Variants in CEP120 observed in about 807,000 individuals in gnomAD.
The protein encoded by CEP120 is centrosomal protein 120.
Under a neutral mutation model 126.5 loss-of-function variants are expected in CEP120, and 113 were observed. That is an observed-to-expected ratio of 0.89 (90% CI 0.77 to 1.04). The LOEUF is 1.04. Among genes scored for constraint, CEP120 ranks in the 50% least tolerant of loss-of-function variants. The probability of loss-of-function intolerance (pLI) is 0.00; values close to 1 mark genes in which losing one functional copy is unlikely to be tolerated. For synonymous variants in CEP120, 400 were observed against 394.3 expected, an observed-to-expected ratio of 1.01 and a Z score of -0.17; for missense variants, 1,230 against 1,155.7, an observed-to-expected ratio of 1.06 and a Z score of -0.93.
rs929970992 is a variant in CEP120 at position 123,400,000 on chromosome 5, G to A, written c.464-716C>T. ...AATAATTGATAATATCCAATGTTGA[G>A]GAGAACGCAGGAAAGTGAATGCTCT... is the stretch of plus-strand genomic sequence containing the variant. On this transcript the variant is annotated intron_variant, in intron 4 of 19. Transcript: ENST00000306467. 5.3e-5 allele frequency among the ~76,000 whole-genome samples: 8 copies of A among 152,154 alleles called. No homozygotes were observed. In the East Asian group the frequency reaches 1.2e-3, roughly 22 times the overall value.
chr5:123,413,118 A>T (rs1774169111), intron 3 of CEP120, among the ~76,000 whole-genome samples: 2 of 151,728 alleles, frequency 1.3e-5, no homozygotes. Context: ...TAAAAATACG[A>T]AAAATTAGCT....
At chr5:123,411,285 A>C (rs1275740337) in intron 4 of CEP120, among the ~76,000 whole-genome samples, 1 of 152,186 alleles carries the variant, frequency 6.6e-6, no homozygotes, top group Admixed American at 6.5e-5. Flanking sequence ...TTCTTACAGA[A>C]CTAAACATAC....
intron 17 of CEP120, among the ~76,000 whole-genome samples, chr5:123,372,073 C>T (rs1770894526): frequency 6.6e-6 from 1 of 152,040 alleles, no homozygotes; most frequent in African/African-American, 2.4e-5. Flanking sequence ...AACATGGCTT[C>T]CAACCACAGA....
chr5:123,364,530 C>T lies in CEP120; in HGVS notation c.2546G>A (p.Gly849Glu), dbSNP rs1253395570. The T allele has an allele frequency of 3.7e-6, 6 of 1,607,120 alleles. No individual in the cohort carries two copies. The South Asian group carries it at 6.6e-5, about 18-fold the overall frequency. Residue 849 changes from glycine to glutamate, a missense_variant, in exon 18 of 20, where the codon GGA becomes GAA. Gly to Glu is a moderately conservative substitution (Grantham distance 98). Coordinates refer to ENST00000306467, the MANE Select transcript of CEP120 (RefSeq NM_001375405.1). Reference protein sequence around the residue: ...KSKLHYKQQWGRALKELARLK... With the variant: ...KSKLHYKQQWERALKELARLK... ...TCTGGCAAGTTCTTTCAAAGCTCGT[C>T]CCCACTGCTGCTTGTAATGCAGTTT...
intron 2 of CEP120, among the ~76,000 whole-genome samples, chr5:123,418,158 T>G (rs1215191650): frequency 2.0e-5 from 3 of 152,202 alleles, no homozygotes; most frequent in African/African-American, 7.2e-5. Flanking sequence ...AAAACTACCT[T>G]TGACTATGCG....
chr5:123,411,843 C>A (rs1358695038), intron 4 of CEP120, among the ~76,000 whole-genome samples: 2 of 152,028 alleles, frequency 1.3e-5, no homozygotes, highest in African/African-American at 4.8e-5. Flanking sequence ...AACTATAGAC[C>A]TTGGGTGACA....
At chr5:123,348,076 C>T (rs530136541) in intron 19 of CEP120, among the ~76,000 whole-genome samples, 3 of 152,288 alleles carry the variant, frequency 2.0e-5, no homozygotes, top group South Asian at 2.1e-4. Flanking sequence ...ACTGACTCTT[C>T]GGTAGCCAAA....
intron 18 of CEP120, among the ~76,000 whole-genome samples, chr5:123,362,638 C>G (rs777499635): frequency 5.9e-5 from 9 of 151,832 alleles, no homozygotes; most frequent in Admixed American, 2.0e-4. Flanking sequence ...AGTAAGCCTT[C>G]CAGACATGCT....
chr5:123,393,244 TA>T, intron 6 of CEP120, 55 bp downstream of exon 6: 1 of 1,514,794 alleles, frequency 6.6e-7, no homozygotes, highest in Non-Finnish European at 9.2e-7. Context: ...GTTTAGGTAC[TA>T]AATTAATGCT....
At chr5:123,352,018 C>A (rs1409603862) in intron 18 of CEP120, among the ~76,000 whole-genome samples, 1 of 151,976 alleles carries the variant, frequency 6.6e-6, no homozygotes, top group Non-Finnish European at 1.5e-5. Context: ...ATAGTAGTAT[C>A]TCATTGTGAT....
At chr5:123,363,034 G>C (rs1233020048) in intron 18 of CEP120, among the ~76,000 whole-genome samples, 1 of 151,502 alleles carries the variant, frequency 6.6e-6, no homozygotes, top group Non-Finnish European at 1.5e-5. Flanking sequence ...TACTACTTAA[G>C]TTCCAGCCCT....
chr5:123,396,093 G>A (rs1354410802), intron 5 of CEP120, among the ~76,000 whole-genome samples: 1 of 151,138 alleles, frequency 6.6e-6, no homozygotes, highest in East Asian at 1.9e-4. Flanking sequence ...TCAGGCTCCT[G>A]AGTAGCTAAG....
At chr5:123,405,537 C>T (rs1370017549) in intron 4 of CEP120, among the ~76,000 whole-genome samples, 1 of 152,186 alleles carries the variant, frequency 6.6e-6, no homozygotes, top group Non-Finnish European at 1.5e-5. Flanking sequence ...ATACCCAACT[C>T]CAGCTGCCTC....
chr5:123,399,012 A>G (rs1265409182), intron 5 of CEP120, 124 bp downstream of exon 5: 7 of 611,892 alleles, frequency 1.1e-5, no homozygotes, highest in Non-Finnish European at 1.8e-5. Context: ...ACATGTTTTG[A>G]ACTCATTTTT....
chr5:123,412,631 T>A, intron 3 of CEP120, 91 bp from the exon 4 acceptor site: 1 of 910,794 alleles, frequency 1.1e-6, no homozygotes, highest in Non-Finnish European at 1.5e-6. Context: ...AAATTTATTG[T>A]AGCTTTTCAG....
At chr5:123,413,436 A>C (rs1774195873) in intron 3 of CEP120, among the ~76,000 whole-genome samples, 1 of 152,150 alleles carries the variant, frequency 6.6e-6, no homozygotes, top group Non-Finnish European at 1.5e-5. Flanking sequence ...GCCTTCTTAC[A>C]GAATGAAGCA....
At position 123,418,441 on chromosome 5, in the gene CEP120, C is replaced by G. The variant is rs1334156376; in HGVS notation, c.124G>C (p.Asp42His). The G allele has an allele frequency of 1.9e-6, 3 of 1,612,844 alleles. No homozygotes were observed. The highest frequency in any genetic ancestry group is 2.2e-5 in the East Asian group (1 of 44,882). The change falls in exon 2 of 20, where the codon GAT becomes CAT. Residue 42 changes from aspartate (D) to histidine (H), a missense_variant. Transcript: ENST00000306467. The stretch of plus-strand genomic sequence containing the variant: ...GGCTGGTCAGTGTGGTCCACAGGAT[C>G]AGTAGCCAACTGTTCTCCATCAAAC... ...AKFDGEQLATDPVDHTDQPEF... is the reference protein window; with the variant it reads ...AKFDGEQLATHPVDHTDQPEF...
chr5:123,395,600 G>C (rs1379875182), intron 5 of CEP120, among the ~76,000 whole-genome samples: 1 of 151,680 alleles, frequency 6.6e-6, no homozygotes, highest in African/African-American at 2.4e-5. Flanking sequence ...CACACAATAT[G>C]TGGCCTTTTG....
intron 14 of CEP120, among the ~76,000 whole-genome samples, chr5:123,381,883 T>G (rs1468031125): frequency 6.6e-6 from 1 of 151,958 alleles, no homozygotes; most frequent in Non-Finnish European, 1.5e-5. Context: ...ATACCTGGCC[T>G]ATATTATATA....
Sources: allele counts gnomAD v4.1 joint callset (sites outside exome capture counted in the v4.1 genomes callset), GRCh38; gene constraint gnomAD v4.1.1; transcripts MANE v1.5; gene names NCBI Gene and HGNC (gene_info 2026-07-23, HGNC 2026-07-21).